The following MIDN variants were observed in gnomAD, a reference collection of about 807,000 sequenced individuals.
MIDN encodes midnolin, also known as midbrain nucleolar protein.
A neutral mutation model predicts 46.1 loss-of-function variants in MIDN; 26 were observed. The ratio of observed to expected loss-of-function variants is 0.56; its 90% confidence interval spans 0.41 to 0.78. The LOEUF (loss-of-function observed/expected upper bound fraction) is 0.78, where lower values mean the gene tolerates loss of function less well. Among genes scored for constraint, MIDN ranks in the 30% least tolerant of loss-of-function variants. The pLI, the probability that MIDN is intolerant of heterozygous loss-of-function variation, is 0.00. For missense variants in MIDN, 850 were observed against 771.8 expected (o/e 1.10, Z -1.20); for synonymous variants, 432 against 343.3 (o/e 1.26, Z -2.86).
In MIDN at chr19:1,255,466, C is replaced by G; in HGVS notation, c.1030C>G (p.Arg344Gly). 2.5e-6 allele frequency: 4 copies of G among 1,607,234 alleles called. No homozygotes were observed. Among genetic ancestry groups the G allele is most frequent in the Middle Eastern group, 1.7e-4 (1 of 6,034 alleles). Residue 344 changes from arginine (R) to glycine (G), a missense_variant, in exon 8 of 9, where the codon CGT (arginine) becomes GGT (glycine). Arg to Gly is a moderately radical substitution (Grantham distance 125, BLOSUM62 -2). Coordinates refer to ENST00000682408, the MANE Select transcript of MIDN (RefSeq NM_001388306.1). ...NCQDSSGRPR[R>G]DIGTILQILN... Reference sequence around the variant, plus strand: ...CCAAGACAGCAGCGGGCGGCCGCGGCGTGACATCGGCACCATCCTGCAGAT... The same window carrying G: ...CCAAGACAGCAGCGGGCGGCCGCGGGGTGACATCGGCACCATCCTGCAGAT...
chr19:1,256,210 G>A lies in MIDN; in HGVS notation c.1258+516G>A, dbSNP rs563923812. ...TTTAAAAGTGGGAAACTGGCCGGGCGCGGTGGCTCACGCCTGTAATCCCAG... is the reference window on the plus strand; with the variant it reads ...TTTAAAAGTGGGAAACTGGCCGGGCACGGTGGCTCACGCCTGTAATCCCAG... On this transcript the variant is annotated intron_variant, in intron 8 of 8. Transcript: ENST00000682408. Among the ~76,000 whole-genome samples, 17 of 152,360 alleles carry A rather than the reference G, an allele frequency of 1.1e-4. No individual in the cohort carries two copies. The South Asian group carries it at 2.9e-3, about 26-fold the overall frequency.
Position 1,250,384 on chromosome 19 carries a change from C to T in MIDN, c.88C>T (p.Pro30Ser), listed in dbSNP as rs1312429457. Residue 30 changes from proline to serine, a missense_variant, in exon 2 of 9, where the codon CCC becomes TCC. By Grantham distance (74) the Pro-to-Ser change is moderately conservative. Transcript: ENST00000682408. ...GCTGGGCCCGGCGGCCGAGGCGGCG[C>T]CCATGAGCCTCGCCATCCACAGCAC... ...CELGPAAEAA[P>S]MSLAIHSTTG... 3 of 1,238,910 alleles carry T rather than the reference C, an allele frequency of 2.4e-6. No individual in the cohort carries two copies. Among genetic ancestry groups the T allele is most frequent in the Non-Finnish European group, 3.1e-6 (3 of 973,464 alleles). 76.7% of individuals were successfully genotyped at this position (1,238,910 alleles called of 1,614,324 possible).
chr19:1,256,059 C>T (rs1239000489), intron 8 of MIDN, among the ~76,000 whole-genome samples: 1 of 152,240 alleles, frequency 6.6e-6, no homozygotes, highest in Non-Finnish European at 1.5e-5. Flanking sequence ...GCGAACACAA[C>T]CCCCCTGCCA....
At chr19:1,252,887 C>T (rs566078955) in intron 4 of MIDN, among the ~76,000 whole-genome samples, 9 of 151,908 alleles carry the variant, frequency 5.9e-5, no homozygotes, top group South Asian at 2.1e-4. Flanking sequence ...GCCGGGGTCC[C>T]GAGCCAGGGC....
chr19:1,250,503 G>T lies in MIDN; in HGVS notation c.207G>T (p.Glu69Asp). ...RLSQRLKVPKERLALLHKDTR... is the reference protein window; with the variant it reads ...RLSQRLKVPKDRLALLHKDTR... ...CCCAGCGCCTCAAAGTGCCCAAGGA[G>T]CGCCTGGCTCTTCTCCACAAAGACA... The change falls in exon 2 of 9, where the codon GAG (glutamate) becomes GAT (aspartate). Residue 69 changes from glutamate to aspartate, a missense_variant. Transcript: ENST00000682408. 7.5e-7 allele frequency: 1 copy of T among 1,336,050 alleles called. No homozygotes were observed. 82.8% of individuals were successfully genotyped at this position (1,336,050 alleles called of 1,614,324 possible).
rs2081110932 is a variant in MIDN at position 1,250,454 on chromosome 19, T to C, written c.158T>C (p.Val53Ala). The C allele has an allele frequency of 7.2e-7, 1 of 1,389,500 alleles. No homozygotes were observed. Among genetic ancestry groups the C allele is most frequent in the Non-Finnish European group, 9.5e-7 (1 of 1,049,666 alleles). The allele number at this position is 1,389,500 out of a possible 1,614,324, so 86.1% of individuals were successfully genotyped here. The change falls in exon 2 of 9, where the codon GTG becomes GCG. Residue 53 changes from valine (V) to alanine (A), a missense_variant. By Grantham distance (64) the Val-to-Ala change is moderately conservative. Coordinates refer to ENST00000682408, the MANE Select transcript of MIDN (RefSeq NM_001388306.1). The stretch of plus-strand genomic sequence containing the variant: ...CTGGCCGTGCCGCCCGACGAGACGG[T>C]GGAGGGGCTGCGCAAGCGGTTGTCC... ...YDLAVPPDET[V>A]EGLRKRLSQR...
intron 6 of MIDN, among the ~76,000 whole-genome samples, 157 bp from the exon 7 acceptor site, chr19:1,254,745 G>T (rs2081176849): frequency 6.6e-6 from 1 of 152,054 alleles, no homozygotes; most frequent in Admixed American, 6.5e-5. Flanking sequence ...TGTGTCCTGG[G>T]TTGGTTGTGA....
In MIDN at chr19:1,257,354, C is replaced by G; in HGVS notation, c.*82C>G. 2.4e-6 allele frequency: 3 copies of G among 1,252,546 alleles called. No homozygotes were observed. Among genetic ancestry groups the G allele is most frequent in the Non-Finnish European group, 3.4e-6 (3 of 876,162 alleles). 77.6% of individuals were successfully genotyped at this position (1,252,546 alleles called of 1,614,324 possible). A position where few individuals can be genotyped will look rare whatever the true frequency, so the allele number is the denominator to read the frequency against. ...CCGAGAGCCCCGGAGAGAACGTGGC[C>G]CAGCCCTGGAGGGCAGGCGGCCACT... is the stretch of plus-strand genomic sequence containing the variant. On this transcript the variant is annotated 3_prime_UTR_variant, in exon 9 of 9. Transcript: ENST00000682408.
rs1599987964 is a variant in MIDN, at chr19:1,255,342, G to C, written c.986-80G>C. ...TGTCCACGCCATTGCCTGAGCTCAT[G>C]AGCTCACACCCGTGGACGCCCGTCC... On this transcript the variant is annotated intron_variant, in intron 7 of 8. Coordinates refer to ENST00000682408, the MANE Select transcript of MIDN (RefSeq NM_001388306.1). The C allele has an allele frequency of 2.0e-6, 3 of 1,464,796 alleles. No individual in the cohort carries two copies. In the East Asian group the frequency reaches 7.4e-5, roughly 36 times the overall value. 90.7% of individuals were successfully genotyped at this position (1,464,796 alleles called of 1,614,324 possible).
Sources: allele counts gnomAD v4.1 joint callset (sites outside exome capture counted in the v4.1 genomes callset), GRCh38; gene constraint gnomAD v4.1.1; transcripts MANE v1.5; gene names NCBI Gene and HGNC (gene_info 2026-07-23, HGNC 2026-07-21).